Variants in ATF1 observed in about 807,000 individuals in gnomAD.
The protein encoded by ATF1 is activating transcription factor 1, also known as cyclic AMP-dependent transcription factor ATF-1.
ATF1 carries 16 observed loss-of-function variants against 34.7 expected under a neutral mutation model. The ratio of observed to expected loss-of-function variants is 0.46; its 90% CI spans 0.31 to 0.70. ATF1 has a LOEUF of 0.70. Ranked by LOEUF, ATF1 falls within the 30% of genes least tolerant of loss-of-function variation. The probability of loss-of-function intolerance (pLI) is 0.05; values close to 1 mark genes in which losing one functional copy is unlikely to be tolerated. For synonymous variants in ATF1, 105 were observed against 113.1 expected (o/e 0.93, Z 0.46); for missense variants, 255 against 321.6 (o/e 0.79, Z 1.58).
intron 1 of ATF1, among the ~76,000 whole-genome samples, chr12:50,765,258 T>G (rs1940603700): frequency 6.6e-6 from 1 of 152,202 alleles, no homozygotes; most frequent in Non-Finnish European, 1.5e-5. Flanking sequence ...CCTGAGGTTT[T>G]TGTTAACAGA....
rs114176891 is a variant in ATF1 at position 50,774,678 on chromosome 12, G to A, written c.-6-5462G>A. 1.7e-3 allele frequency among the ~76,000 whole-genome samples: 263 copies of A among 151,698 alleles called. 1 individual carries two copies. Among genetic ancestry groups the A allele is most frequent in the Middle Eastern group, 0.014 (4 of 292 alleles). On this transcript the variant is annotated intron_variant, in intron 1 of 6. Transcript: ENST00000262053. Reference sequence around the variant, plus strand: ...ACATTCTGATAACATCAGTAAAACAGTATGTACTGTTGTTTATGAGATGAA... The same window carrying A: ...ACATTCTGATAACATCAGTAAAACAATATGTACTGTTGTTTATGAGATGAA...
chr12:50,809,769 C>T (rs746747973), intron 4 of ATF1, among the ~76,000 whole-genome samples, 180 bp downstream of exon 4: 1 of 152,230 alleles, frequency 6.6e-6, no homozygotes, highest in Non-Finnish European at 1.5e-5. Flanking sequence ...AACTTTGTGA[C>T]ATAGGCAATT....
At chr12:50,771,677 C>A (rs1330220199) in intron 1 of ATF1, among the ~76,000 whole-genome samples, 1 of 152,096 alleles carries the variant, frequency 6.6e-6, no homozygotes, top group Non-Finnish European at 1.5e-5. Flanking sequence ...AACCTACTGG[C>A]CTGCATTCCC....
intron 3 of ATF1, among the ~76,000 whole-genome samples, chr12:50,797,155 G>A (rs1198484051): frequency 6.6e-6 from 1 of 152,146 alleles, no homozygotes; most frequent in Non-Finnish European, 1.5e-5. Context: ...AACATACATA[G>A]ATAAAAGGAG....
At chr12:50,816,198 G>A (rs1318598800) in intron 6 of ATF1, among the ~76,000 whole-genome samples, 1 of 151,954 alleles carries the variant, frequency 6.6e-6, no homozygotes, top group Non-Finnish European at 1.5e-5. Flanking sequence ...ATGGTGGCGT[G>A]TGCCTAAAAT....
chr12:50,787,989 G>A (rs1941220571), intron 2 of ATF1, among the ~76,000 whole-genome samples: 4 of 152,152 alleles, frequency 2.6e-5, no homozygotes, highest in Admixed American at 2.6e-4. Context: ...GGTAAGTATT[G>A]TAGAGATGAG....
intron 2 of ATF1, among the ~76,000 whole-genome samples, chr12:50,786,005 G>A (rs955620779): frequency 3.3e-5 from 5 of 152,168 alleles, no homozygotes; most frequent in African/African-American, 1.2e-4. Context: ...ACTCTCAAGG[G>A]GAGAGGATTA....
intron 1 of ATF1, among the ~76,000 whole-genome samples, chr12:50,775,994 G>A (rs370031796): frequency 1.3e-5 from 2 of 152,072 alleles, no homozygotes; most frequent in South Asian, 4.1e-4. Context: ...GGAGTTCAAG[G>A]CCAAAACCTC....
intron 2 of ATF1, among the ~76,000 whole-genome samples, chr12:50,785,276 TATATAC>T (rs1170140146): frequency 1.3e-4 from 16 of 123,762 alleles, no homozygotes; most frequent in African/African-American, 5.0e-4. Flanking sequence ...AAAAATTATA[TATATAC>T]ATACACACAC....
At chr12:50,776,866 T>G (rs1940938881) in intron 1 of ATF1, among the ~76,000 whole-genome samples, 1 of 152,164 alleles carries the variant, frequency 6.6e-6, no homozygotes, top group Admixed American at 6.6e-5. Context: ...TATAAAGCCT[T>G]TATTTATTTA....
At chr12:50,811,116 C>T (rs1592201078) in intron 4 of ATF1, among the ~76,000 whole-genome samples, 1 of 152,162 alleles carries the variant, frequency 6.6e-6, no homozygotes, top group Admixed American at 6.5e-5. Context: ...CTGGAGTTGT[C>T]ATTGCTCATG....
At chr12:50,777,702 G>A (rs918195780) in intron 1 of ATF1, among the ~76,000 whole-genome samples, 4 of 151,374 alleles carry the variant, frequency 2.6e-5, no homozygotes, top group African/African-American at 7.3e-5. Context: ...GATGGGTTGA[G>A]CCTGCGAGGT....
At chr12:50,813,769 G>A (rs370544995) in intron 4 of ATF1, among the ~76,000 whole-genome samples, 3 of 151,934 alleles carry the variant, frequency 2.0e-5, no homozygotes, top group Non-Finnish European at 2.9e-5. Context: ...AGCCGAGATC[G>A]TGCCACTGCA....
Position 50,780,183 on chromosome 12 carries a change from C to A in ATF1, c.38C>A (p.Ala13Glu). Residue 13 changes from alanine to glutamate, a missense_variant, in exon 2 of 7, where the codon GCA (alanine) becomes GAA (glutamate). Physicochemically the swap from Ala to Glu is moderately radical, Grantham distance 107. This residue lies in a region of ATF1 where 221 missense variants were observed against 250.7 expected (regional missense o/e 0.88). Transcript: ENST00000262053. ...DSHKSTTSETAPQPGSAVQGA... is the reference protein window; with the variant it reads ...DSHKSTTSETEPQPGSAVQGA... ...CACAAGAGTACCACGTCAGAGACAG[C>A]ACCTCAACCTGGTTCAGCAGTTCAG... 6.2e-7 allele frequency: 1 copy of A among 1,613,888 alleles called. No homozygotes were observed. The highest frequency in any genetic ancestry group is 1.1e-5 in the South Asian group (1 of 91,048).
chr12:50,788,187 CTTTTT>C, intron 2 of ATF1: 1 of 423,888 alleles, frequency 2.4e-6, no homozygotes, highest in South Asian at 1.7e-5. Context: ...TATAGCCAAT[CTTTTT>C]TTTTTTTTGA....
At chr12:50,811,872 G>A (rs981933125) in intron 4 of ATF1, among the ~76,000 whole-genome samples, 4 of 152,126 alleles carry the variant, frequency 2.6e-5, no homozygotes, top group African/African-American at 9.7e-5. Context: ...AGGTAGTGGG[G>A]AGGTTCACAT....
At chr12:50,767,573 C>G (rs1017219007) in intron 1 of ATF1, among the ~76,000 whole-genome samples, 5 of 152,152 alleles carry the variant, frequency 3.3e-5, no homozygotes, top group African/African-American at 9.7e-5. Flanking sequence ...CAAGATGACC[C>G]AGCAAGCTGG....
chr12:50,819,997 C>A lies in ATF1; in HGVS notation c.*218C>A. The A allele has an allele frequency of 2.7e-6, 1 of 368,074 alleles. No homozygotes were observed. Among genetic ancestry groups the A allele is most frequent in the Non-Finnish European group, 4.8e-6 (1 of 207,060 alleles). The allele number at this position is 368,074 out of a possible 1,614,324, so 22.8% of individuals were successfully genotyped here. ...AACTGGAAGCTTTGTAGAAATTAAACATATTCAAGGAGCAAGAAATGAACT... is the reference window on the plus strand; with the variant it reads ...AACTGGAAGCTTTGTAGAAATTAAAAATATTCAAGGAGCAAGAAATGAACT... On this transcript the variant is annotated 3_prime_UTR_variant, in exon 7 of 7. Coordinates refer to ENST00000262053, the MANE Select transcript of ATF1 (RefSeq NM_005171.5).
chr12:50,813,943 T>G, intron 4 of ATF1, 67 bp from the exon 5 acceptor site: 9 of 1,475,962 alleles, frequency 6.1e-6, no homozygotes, highest in Non-Finnish European at 8.2e-6. Flanking sequence ...TTGTGGGCTT[T>G]TTGCCACTCC....
Sources: gnomAD v4.1 joint callset for allele counts (sites outside exome capture counted in the v4.1 genomes callset) on GRCh38, gnomAD v4.1.1 for gene constraint, gnomAD v4.1.1 regional missense constraint, MANE v1.5 for transcripts, NCBI Gene and HGNC (gene_info 2026-07-23, HGNC 2026-07-21) for gene names.